Variants in TEK observed in about 807,000 individuals in gnomAD.
The protein encoded by TEK is TEK receptor tyrosine kinase.
Under a neutral mutation model 131.8 loss-of-function variants are expected in TEK, and 43 were observed. The ratio of observed to expected loss-of-function variants is 0.33; its 90% CI spans 0.26 to 0.42. The LOEUF (loss-of-function observed/expected upper bound fraction) is 0.42, where lower values mean the gene tolerates loss of function less well. TEK is among the 10% of genes least tolerant of loss of function. The pLI, the probability that TEK is intolerant of heterozygous loss-of-function variation, is 1.00. For synonymous variants in TEK, 580 were observed against 491.6 expected, an observed-to-expected ratio of 1.18 and a Z score of -2.38; for missense variants, 1,162 against 1,384.4, an observed-to-expected ratio of 0.84 and a Z score of 2.55.
chr9:27,198,646 A>T (rs591831), intron 12 of TEK, among the ~76,000 whole-genome samples: 14,469 of 152,252 alleles, frequency 0.095, 786 homozygotes, highest in Non-Finnish European at 0.11. Context: ...ACATTTTGTC[A>T]TATTTGCTTT....
At chr9:27,159,111 T>G (rs149948909) in intron 2 of TEK, among the ~76,000 whole-genome samples, 77 of 152,326 alleles carry the variant, frequency 5.1e-4, no homozygotes, top group African/African-American at 1.8e-3. Context: ...CTTACATATA[T>G]GGTGTTGCCT....
At chr9:27,214,419 C>T (rs1000886778) in intron 18 of TEK, among the ~76,000 whole-genome samples, 1 of 152,252 alleles carries the variant, frequency 6.6e-6, no homozygotes, top group Non-Finnish European at 1.5e-5. Context: ...ATTACTTGGT[C>T]CCAGCTTTCC....
intron 1 of TEK, among the ~76,000 whole-genome samples, chr9:27,150,802 C>T (rs1175480434): frequency 6.6e-6 from 1 of 152,124 alleles, no homozygotes; most frequent in Non-Finnish European, 1.5e-5. Context: ...TAAAAAGTTT[C>T]CTGCCAGCTG....
chr9:27,149,145 T>A (rs1823037301), intron 1 of TEK, among the ~76,000 whole-genome samples: 1 of 152,210 alleles, frequency 6.6e-6, no homozygotes, highest in African/African-American at 2.4e-5. Flanking sequence ...TTCATCAATG[T>A]TTATGGAATA....
Position 27,202,939 on chromosome 9 carries a change from C to G in TEK, c.2029C>G (p.Gln677Glu), listed in dbSNP as rs748717101. 1 of 1,614,086 alleles carries G rather than the reference C, an allele frequency of 6.2e-7. No homozygotes were observed. ...TTCTATTACTATCCGTTACAAGGTT[C>G]AAGGCAAGAATGAAGACCAGCACGT... ...ISSITIRYKV[Q>E]GKNEDQHVDV... The change falls in exon 13 of 23, where the codon CAA (glutamine) becomes GAA (glutamate). Residue 677 changes from glutamine to glutamate, a missense_variant. Transcript: ENST00000380036.
chr9:27,173,779 C>G (rs1490286903), intron 6 of TEK, among the ~76,000 whole-genome samples: 1 of 118,794 alleles, frequency 8.4e-6, no homozygotes, highest in Non-Finnish European at 1.6e-5. Context: ...AAAATCACAG[C>G]TTTAGCCAGG....
At chr9:27,203,883 C>T (rs1469352578) in intron 13 of TEK, among the ~76,000 whole-genome samples, 1 of 152,210 alleles carries the variant, frequency 6.6e-6, no homozygotes, top group Non-Finnish European at 1.5e-5. Flanking sequence ...CTGAAAACTT[C>T]TTGGTTCTCT....
At chr9:27,144,349 A>G (rs918381841) in intron 1 of TEK, among the ~76,000 whole-genome samples, 8 of 152,200 alleles carry the variant, frequency 5.3e-5, no homozygotes, top group African/African-American at 1.7e-4. Flanking sequence ...ATGATTCATA[A>G]AGAAGAGCTC....
rs1262284788 is a variant in TEK at position 27,185,624 on chromosome 9, T to G, written c.1322T>G (p.Val441Gly). The change falls in exon 9 of 23, where the codon GTT (valine) becomes GGT (glycine). Residue 441 changes from valine (V) to glycine (G), a missense_variant. Val to Gly is a moderately radical substitution (Grantham distance 109). Coordinates refer to ENST00000380036, the MANE Select transcript of TEK (RefSeq NM_000459.5). ...GMVEKPFNISVKVLPKPLNAP... is the reference protein window; with the variant it reads ...GMVEKPFNISGKVLPKPLNAP... ...GTGGAAAAGCCCTTCAACATTTCTG[T>G]TAAAGGTAAGTTCATTTCCCAGAAA... 6.2e-7 allele frequency: 1 copy of G among 1,613,652 alleles called. No homozygotes were observed. The highest frequency in any genetic ancestry group is 1.1e-5 in the South Asian group (1 of 91,076).
chr9:27,215,126 T>A (rs1420852661), intron 18 of TEK, among the ~76,000 whole-genome samples: 1 of 152,190 alleles, frequency 6.6e-6, no homozygotes, highest in Non-Finnish European at 1.5e-5. Context: ...CCATTCTATT[T>A]GGATGCTCTC....
chr9:27,183,177 C>T (rs1824456511), intron 7 of TEK, among the ~76,000 whole-genome samples: 1 of 152,220 alleles, frequency 6.6e-6, no homozygotes, highest in East Asian at 1.9e-4. Context: ...ACTGTTCCTC[C>T]CTGGTCCATG....
intron 1 of TEK, among the ~76,000 whole-genome samples, chr9:27,132,249 GAC>G (rs897512809): frequency 4.0e-5 from 6 of 151,856 alleles, no homozygotes; most frequent in African/African-American, 7.3e-5. Flanking sequence ...CACCACACCT[GAC>G]TAATGTTTGT....
At chr9:27,128,416 T>A (rs1324173569) in intron 1 of TEK, among the ~76,000 whole-genome samples, 2 of 152,102 alleles carry the variant, frequency 1.3e-5, no homozygotes, top group Non-Finnish European at 2.9e-5. Flanking sequence ...AGCTTGATGC[T>A]TCCAGTTTTG....
At chr9:27,166,023 C>G (rs1219447288) in intron 2 of TEK, among the ~76,000 whole-genome samples, 2 of 152,250 alleles carry the variant, frequency 1.3e-5, no homozygotes, top group African/African-American at 4.8e-5. Flanking sequence ...ATTAGTCTTT[C>G]TCAAACCACC....
chr9:27,174,088 C>T (rs974705909), intron 6 of TEK, among the ~76,000 whole-genome samples: 2 of 152,142 alleles, frequency 1.3e-5, no homozygotes, highest in Admixed American at 1.3e-4. Context: ...AATAAGCTTT[C>T]CCATTTGACC....
chr9:27,120,757 C>T (rs940367090), intron 1 of TEK, among the ~76,000 whole-genome samples: 1 of 152,228 alleles, frequency 6.6e-6, no homozygotes, highest in Admixed American at 6.5e-5. Flanking sequence ...TCTAGGTGAG[C>T]TACTTTGAGA....
chr9:27,183,237 A>T (rs1181315384), intron 7 of TEK, among the ~76,000 whole-genome samples: 1 of 152,192 alleles, frequency 6.6e-6, no homozygotes, highest in African/African-American at 2.4e-5. Context: ...ATTTATAAAG[A>T]TCTGAGTCTG....
chr9:27,126,624 TA>T (rs1678464361), intron 1 of TEK, among the ~76,000 whole-genome samples: 1 of 152,116 alleles, frequency 6.6e-6, no homozygotes, highest in African/African-American at 2.4e-5. Context: ...TCCATAGAAA[TA>T]CAGGGCAATA....
chr9:27,201,461 A>C (rs655880), intron 12 of TEK, among the ~76,000 whole-genome samples: 78,645 of 151,856 alleles, frequency 0.52, 21,036 homozygotes, highest in Non-Finnish European at 0.57. Flanking sequence ...CTTCAATCTC[A>C]TGTGGGAAGA....
Sources: gnomAD v4.1 joint callset for allele counts (sites outside exome capture counted in the v4.1 genomes callset) on GRCh38, gnomAD v4.1.1 for gene constraint, MANE v1.5 for transcripts, NCBI Gene and HGNC (gene_info 2026-07-23, HGNC 2026-07-21) for gene names.